SLC26A5: variants seen among roughly 807,000 people sequenced by gnomAD.
SLC26A5 encodes the protein prestin.
SLC26A5 carries 51 observed loss-of-function variants against 81.0 expected under a neutral mutation model. The observed-to-expected ratio is 0.63, with a 90% CI of 0.50 to 0.80. The LOEUF is 0.80. SLC26A5 is among the 30% of genes least tolerant of loss of function. The probability of loss-of-function intolerance (pLI) is 0.00; values close to 1 mark genes in which losing one functional copy is unlikely to be tolerated. For synonymous variants in SLC26A5, 325 were observed against 332.8 expected (o/e 0.98, Z 0.25); for missense variants, 771 against 905.8 (o/e 0.85, Z 1.91).
chr7:103,369,109 A>G (rs1306449443), intron 19 of SLC26A5: 1 of 152,216 alleles, frequency 6.6e-6, no homozygotes, highest in Non-Finnish European at 1.5e-5. Flanking sequence ...GAAAAAGTTG[A>G]CAACATAGAA....
At chr7:103,397,797 T>A in intron 9 of SLC26A5, 135 bp downstream of exon 9, 11 of 642,384 alleles carry the variant, frequency 1.7e-5, no homozygotes, top group East Asian at 3.1e-5. Context: ...ATGCACCCAA[T>A]CCCCCTAAAG....
chr7:103,378,446 T>G lies in SLC26A5; in HGVS notation c.1785A>C (p.Ala595=). ...TTATTTCAATGAAAAGACCACTCAC[T>G]GCTTTGACAACAGTTGCGTTGGCCA... The part of the protein sequence containing the change: ...ANMANATVVK[A]DAEVDGEDAT... The change falls in exon 17 of 20, where the codon GCA becomes GCC. Residue 595 remains alanine, a splice_region_variant and synonymous_variant. Transcript: ENST00000306312. 1 of 1,613,858 alleles carries G rather than the reference T, an allele frequency of 6.2e-7. No individual in the cohort carries two copies. Among genetic ancestry groups the G allele is most frequent in the South Asian group, 1.1e-5 (1 of 91,080 alleles).
intron 14 of SLC26A5, among the ~76,000 whole-genome samples, chr7:103,383,107 T>C (rs1325873173): frequency 2.0e-5 from 3 of 152,162 alleles, no homozygotes; most frequent in Non-Finnish European, 2.9e-5. Flanking sequence ...ATGCTCACAA[T>C]CTAGTGATAT....
rs542194331 is a variant in SLC26A5 at position 103,429,188 on chromosome 7, T to C, written c.-53-7621A>G. On this transcript the variant is annotated intron_variant, in intron 2 of 19. Transcript: ENST00000306312. ...CTAAGAGCCATCATCAGTAAAGTAATGCTTTTCTTTAAGTTTTGAAATTGT... is the reference window on the plus strand; with the variant it reads ...CTAAGAGCCATCATCAGTAAAGTAACGCTTTTCTTTAAGTTTTGAAATTGT... 2.0e-5 allele frequency among the ~76,000 whole-genome samples: 3 copies of C among 152,360 alleles called. No individual in the cohort carries two copies. In the East Asian group the frequency reaches 5.8e-4, roughly 29 times the overall value.
intron 4 of SLC26A5, among the ~76,000 whole-genome samples, chr7:103,419,935 AATCTCATG>A (rs1825208920): frequency 6.6e-6 from 1 of 152,130 alleles, no homozygotes; most frequent in African/African-American, 2.4e-5. Flanking sequence ...TCTGCTTAGC[AATCTCATG>A]CCTTGATTGG....
chr7:103,441,550 T>G (rs1314848419), intron 2 of SLC26A5, among the ~76,000 whole-genome samples: 1 of 152,210 alleles, frequency 6.6e-6, no homozygotes, highest in African/African-American at 2.4e-5. Flanking sequence ...TATCTCAGTT[T>G]GGCCACTAAA....
rs540899557 is a variant in SLC26A5, at chr7:103,369,192, TCCAA to T, written c.2041+7612_2041+7615del. The T allele has an allele frequency of 2.8e-3, 421 of 152,324 alleles. 1 individual carries two copies. Among genetic ancestry groups the T allele is most frequent in the African/African-American group, 9.6e-3 (399 of 41,582 alleles). The allele number at this position is 152,324 out of a possible 1,614,324, so 9.4% of individuals were successfully genotyped here. A position where few individuals can be genotyped will look rare whatever the true frequency, so the allele number is the denominator to read the frequency against. ...AAAGAAATTAAAGCCTTTTATAAAA[TCCAA>T]CCAACATTCTTGATTTTTCATTTTT... On this transcript the variant is annotated intron_variant, in intron 19 of 19. Transcript: ENST00000339444.
At chr7:103,404,613 AT>A in intron 8 of SLC26A5, among the ~76,000 whole-genome samples, 1 of 151,722 alleles carries the variant, frequency 6.6e-6, no homozygotes, top group Non-Finnish European at 1.5e-5. Flanking sequence ...TGCCCTTAAC[AT>A]TTTTTCCTTC....
At chr7:103,416,694 C>T (rs958609100) in intron 4 of SLC26A5, among the ~76,000 whole-genome samples, 1 of 152,016 alleles carries the variant, frequency 6.6e-6, no homozygotes, top group African/African-American at 2.4e-5. Flanking sequence ...TTTCAGCTGC[C>T]CCTTGTCCAT....
Position 103,359,932 on chromosome 7 carries a change from T to C in SLC26A5, c.2042-7006A>G, listed in dbSNP as rs150155880. 3.7e-3 allele frequency among the ~76,000 whole-genome samples: 570 copies of C among 152,066 alleles called. 3 individuals carry two copies. The highest frequency in any genetic ancestry group is 0.014 in the African/African-American group (561 of 41,480). ...TGTCTCTACTAAAAATATAAAAATA[T>C]TAGCTGGGCGTGGTGGCAGGCGCCT... On this transcript the variant is annotated intron_variant, in intron 19 of 19. Transcript: ENST00000339444.
At chr7:103,365,805 G>A (rs575767249) in intron 19 of SLC26A5, among the ~76,000 whole-genome samples, 1 of 152,154 alleles carries the variant, frequency 6.6e-6, no homozygotes, top group Admixed American at 6.5e-5. Context: ...ACACATGCCT[G>A]TAATCCCAGC....
Position 103,376,701 on chromosome 7 carries a change from A to G in SLC26A5, c.2041+107T>C, listed in dbSNP as rs72655393. ...GTGATTTTTCAGAAGAACAATTTTC[A>G]TTTTTATAAAATAATTAAAATTAAG... On this transcript the variant is annotated intron_variant, in intron 19 of 19. Coordinates refer to ENST00000306312, the MANE Select transcript of SLC26A5 (RefSeq NM_198999.3). The G allele has an allele frequency of 5.2e-3, 4,645 of 889,448 alleles. 150 individuals are homozygous for G. The African/African-American group carries it at 0.072, about 14-fold the overall frequency. The allele number at this position is 889,448 out of a possible 1,614,324, so 55.1% of individuals were successfully genotyped here. A position where few individuals can be genotyped will look rare whatever the true frequency, so the allele number is the denominator to read the frequency against.
chr7:103,410,680 C>T (rs1335422563), intron 6 of SLC26A5, 131 bp from the exon 7 acceptor site: 1 of 835,612 alleles, frequency 1.2e-6, no homozygotes, highest in Admixed American at 2.1e-5. Flanking sequence ...GCTCTGTCAC[C>T]CAGGCAGTGG....
Position 103,367,793 on chromosome 7 carries a change from G to C in SLC26A5, c.2041+9015C>G, listed in dbSNP as rs776396846. 1 of 1,613,700 alleles carries C rather than the reference G, an allele frequency of 6.2e-7. No homozygotes were observed. Among genetic ancestry groups the C allele is most frequent in the South Asian group, 1.1e-5 (1 of 91,046 alleles). On this transcript the variant is annotated intron_variant, in intron 19 of 19. Transcript: ENST00000339444. This position sits in a 1 kb window ranked among gnomAD's most constrained non-coding sequence, Gnocchi z 6.1. ...TCAGATTTGAACTGTTAGCACGACT[G>C]TGTCCAAATAGCACTGGTAAGTAGA...
chr7:103,417,507 C>T lies in SLC26A5; in HGVS notation c.292+3231G>A, dbSNP rs191844968. ...TCTGTATTTGGCCTTTAATGTTGGA[C>T]ACAGCTTGATCTTAGCTCCCTTCTT... On this transcript the variant is annotated intron_variant, in intron 4 of 19. Transcript: ENST00000306312. 6.5e-4 allele frequency among the ~76,000 whole-genome samples: 99 copies of T among 151,830 alleles called. 3 individuals carry two copies. The highest frequency in any genetic ancestry group is 6.0e-3 in the Admixed American group (91 of 15,242).
intron 2 of SLC26A5, among the ~76,000 whole-genome samples, chr7:103,424,188 C>A (rs1204161814): frequency 6.6e-6 from 1 of 152,194 alleles, no homozygotes; most frequent in Non-Finnish European, 1.5e-5. Flanking sequence ...CCATTTTCCC[C>A]ACAGCCTAAT....
intron 8 of SLC26A5, among the ~76,000 whole-genome samples, chr7:103,403,981 G>T (rs1446329877): frequency 6.6e-6 from 1 of 152,082 alleles, no homozygotes; most frequent in African/African-American, 2.4e-5. Context: ...TCAGGAGTTC[G>T]AGACCAGCCT....
intron 2 of SLC26A5, among the ~76,000 whole-genome samples, chr7:103,433,260 C>A (rs1008026639): frequency 3.9e-5 from 6 of 152,268 alleles, no homozygotes; most frequent in African/African-American, 1.4e-4. Context: ...GCTTGGGCTG[C>A]ATGTAGGATT....
chr7:103,379,101 TG>T, intron 16 of SLC26A5, 141 bp downstream of exon 16: 1 of 662,922 alleles, frequency 1.5e-6, no homozygotes. Flanking sequence ...GTATATTTTA[TG>T]TTATGTATAT....
Sources: gnomAD v4.1 joint callset for allele counts (sites outside exome capture counted in the v4.1 genomes callset) on GRCh38, gnomAD v4.1.1 for gene constraint, Gnocchi (gnomAD v3.1) non-coding constraint, MANE v1.5 for transcripts, NCBI Gene and HGNC (gene_info 2026-07-23, HGNC 2026-07-21) for gene names.